KCTD13: variants seen among roughly 807,000 people sequenced by gnomAD.
KCTD13 encodes the protein BTB/POZ domain-containing adapter for CUL3-mediated RhoA degradation protein 1.
KCTD13 carries 15 observed loss-of-function variants against 32.3 expected under a neutral mutation model. The observed-to-expected ratio is 0.46, with a 90% CI of 0.31 to 0.71. The LOEUF is 0.71. Ranked by LOEUF, KCTD13 falls within the 30% of genes least tolerant of loss-of-function variation. The probability of loss-of-function intolerance (pLI) is 0.05; values close to 1 mark genes in which losing one functional copy is unlikely to be tolerated. For missense variants in KCTD13, 337 were observed against 452.6 expected (o/e 0.74, Z 2.32); for synonymous variants, 189 against 200.1 (o/e 0.94, Z 0.47).
rs2068621300 is a variant in KCTD13 at position 29,906,834 on chromosome 16, G to A, written c.*38C>T. The A allele has an allele frequency of 1.9e-6, 3 of 1,570,788 alleles. No homozygotes were observed. The highest frequency in any genetic ancestry group is 1.7e-4 in the Middle Eastern group (1 of 5,976). On this transcript the variant is annotated 3_prime_UTR_variant, in exon 6 of 6. Transcript: ENST00000568000. Reference sequence around the variant, plus strand: ...GGGGAGGGAAAGAGAGAGGGACTGGGTCCCAAGGCAAGAGGAAGGCAGGGG... The same window carrying A: ...GGGGAGGGAAAGAGAGAGGGACTGGATCCCAAGGCAAGAGGAAGGCAGGGG...
chr16:29,913,278 C>T (rs2068748802), intron 2 of KCTD13: 2 of 151,878 alleles, frequency 1.3e-5, no homozygotes, highest in East Asian at 1.9e-4. Context: ...GAGGAAAGGC[C>T]GACCCTGCCA....
At chr16:29,918,009 A>G (rs1279010224) in intron 2 of KCTD13, among the ~76,000 whole-genome samples, 1 of 152,182 alleles carries the variant, frequency 6.6e-6, no homozygotes, top group African/African-American at 2.4e-5. Flanking sequence ...ACATTTTTAA[A>G]CAAGACCATA....
chr16:29,923,109 C>T, intron 2 of KCTD13, 81 bp downstream of exon 2: 1 of 1,476,870 alleles, frequency 6.8e-7, no homozygotes, highest in Non-Finnish European at 9.2e-7. Flanking sequence ...AGCCATACCC[C>T]ATATCTCCTT....
At chr16:29,913,472 A>C (rs2068753369) in intron 2 of KCTD13, 2 of 152,246 alleles carry the variant, frequency 1.3e-5, no homozygotes, top group Non-Finnish European at 2.9e-5. Flanking sequence ...TTCGTTATCT[A>C]TCACTGTGTA....
At chr16:29,911,273 C>G (rs2068703561) in intron 4 of KCTD13, 100 bp from the exon 5 acceptor site, 2 of 936,580 alleles carry the variant, frequency 2.1e-6, no homozygotes, top group Non-Finnish European at 3.3e-6. Context: ...TCTGCTCCTG[C>G]CCAGGGCTTT....
rs979691253 is a variant in KCTD13, at chr16:29,919,289, CTTATGGTA to C, written c.414+3893_414+3900del. Among the ~76,000 whole-genome samples, 322 of 152,072 alleles carry C rather than the reference CTTATGGTA, an allele frequency of 2.1e-3. 3 individuals are homozygous for C. Among genetic ancestry groups the C allele is most frequent in the Non-Finnish European group, 8.1e-4 (55 of 67,984 alleles). On this transcript the variant is annotated intron_variant, in intron 2 of 5. Transcript: ENST00000568000. ...CCCCTTGGATTGTAATAAAGTAATG[CTTATGGTA>C]TTATTTGGCTTATGTAATAAAGTAA...
intron 1 of KCTD13, among the ~76,000 whole-genome samples, chr16:29,924,938 G>C (rs1373847118): frequency 1.3e-5 from 2 of 152,160 alleles, no homozygotes; most frequent in Non-Finnish European, 1.5e-5. Flanking sequence ...GGCTGGTCTC[G>C]AACTCCTGAC....
intron 4 of KCTD13, chr16:29,911,546 C>T (rs2068709462): frequency 1.7e-6 from 1 of 589,286 alleles, no homozygotes. Context: ...AGGGGGAGGA[C>T]TCTGCCAGTT....
At chr16:29,910,663 C>T (rs192486570) in intron 5 of KCTD13, among the ~76,000 whole-genome samples, 1 of 152,276 alleles carries the variant, frequency 6.6e-6, no homozygotes, top group Admixed American at 6.5e-5. Context: ...CTCACCCCTT[C>T]TGAGTTTCTA....
At chr16:29,924,502 T>C (rs1350302450) in intron 1 of KCTD13, among the ~76,000 whole-genome samples, 1 of 152,198 alleles carries the variant, frequency 6.6e-6, no homozygotes, top group Non-Finnish European at 1.5e-5. Context: ...TTAACTTTTA[T>C]ATTCTTCATA....
chr16:29,914,763 G>A (rs192212101), intron 2 of KCTD13: 34 of 152,368 alleles, frequency 2.2e-4, no homozygotes, highest in African/African-American at 7.9e-4. Context: ...GCAGACCTGT[G>A]AGCTAAAGAG....
chr16:29,922,631 G>A (rs546949979), intron 2 of KCTD13: 26 of 168,324 alleles, frequency 1.5e-4, no homozygotes, highest in African/African-American at 6.2e-4. Flanking sequence ...AGCCTAGCAG[G>A]TGGGGTCTCT....
rs2068614945 is a variant in KCTD13, at chr16:29,906,483, G to C, written c.*389C>G. The C allele has an allele frequency of 2.1e-6, 1 of 467,778 alleles. No homozygotes were observed. Among genetic ancestry groups the C allele is most frequent in the African/African-American group, 2.0e-5 (1 of 50,588 alleles). The allele number at this position is 467,778 out of a possible 1,614,324, so 29.0% of individuals were successfully genotyped here. A position where few individuals can be genotyped will look rare whatever the true frequency, so the allele number is the denominator to read the frequency against. ...GTAGGGAGGATGGTGGGGAGGAGGG[G>C]GCGGACTACCCTGCAGGACGCGGGA... On this transcript the variant is annotated 3_prime_UTR_variant, in exon 6 of 6. Coordinates refer to ENST00000568000, the MANE Select transcript of KCTD13 (RefSeq NM_178863.5).
chr16:29,916,599 C>A (rs1238808202), intron 2 of KCTD13, among the ~76,000 whole-genome samples: 1 of 152,176 alleles, frequency 6.6e-6, no homozygotes, highest in Non-Finnish European at 1.5e-5. Context: ...TGTGGAGGCT[C>A]ATGCCTGTAA....
At chr16:29,909,049 T>C (rs998511955) in intron 5 of KCTD13, among the ~76,000 whole-genome samples, 4 of 137,414 alleles carry the variant, frequency 2.9e-5, no homozygotes, top group Non-Finnish European at 5.2e-5. Context: ...GCTGGGTCAC[T>C]GATTCATTCA....
chr16:29,906,930 C>T lies in KCTD13; in HGVS notation c.932G>A (p.Arg311Gln), dbSNP rs907551420. 3.7e-6 allele frequency: 6 copies of T among 1,614,122 alleles called. No homozygotes were observed. The highest frequency in any genetic ancestry group is 5.1e-6 in the Non-Finnish European group (6 of 1,180,016). Residue 311 changes from arginine to glutamine, a missense_variant, in exon 6 of 6, where the codon CGG (arginine) becomes CAG (glutamine). By Grantham distance (43) the Arg-to-Gln change is conservative. Around this residue, in one of 3 missense-constraint regions of KCTD13, gnomAD observed 252 missense variants for 340.2 expected, o/e 0.74. Coordinates refer to ENST00000568000, the MANE Select transcript of KCTD13 (RefSeq NM_178863.5). ...ACGCTCGTCGTGGGTGATATGGCGC[C>T]GGACATGGATCCTGCGGACACGGTG... ...REHRVRRIHV[R>Q]RHITHDERPH... is the part of the protein sequence containing the mutation.
intron 5 of KCTD13, among the ~76,000 whole-genome samples, chr16:29,909,204 T>C (rs1195075874): frequency 1.3e-5 from 2 of 151,988 alleles, no homozygotes; most frequent in Non-Finnish European, 2.9e-5. Flanking sequence ...CCACCACACA[T>C]GATAAAACAC....
Position 29,923,261 on chromosome 16 carries a change from C to G in KCTD13, c.343G>C (p.Gly115Arg), listed in dbSNP as rs767882731. 1 of 1,614,202 alleles carries G rather than the reference C, an allele frequency of 6.2e-7. No individual in the cohort carries two copies. Among genetic ancestry groups the G allele is most frequent in the Non-Finnish European group, 8.5e-7 (1 of 1,180,044 alleles). ...VPLPESTREL[G>R]ELLGEARYYL... is the part of the protein sequence containing the mutation. ...TAGCGTGCTTCGCCCAGCAGCTCCC[C>G]CAGTTCTCTCGTACTCTCCGGCAGT... The change falls in exon 2 of 6, where the codon GGG becomes CGG. Residue 115 changes from glycine (G) to arginine (R), a missense_variant. By Grantham distance (125) the Gly-to-Arg change is moderately radical (BLOSUM62 -2). Transcript: ENST00000568000.
chr16:29,911,240 G>A (rs1010220366), intron 4 of KCTD13, 67 bp from the exon 5 acceptor site: 56 of 1,225,692 alleles, frequency 4.6e-5, no homozygotes, highest in South Asian at 3.9e-4. Flanking sequence ...CCCAGAAGAC[G>A]GGCCTGGATG....
Sources: gnomAD v4.1 joint callset for allele counts (sites outside exome capture counted in the v4.1 genomes callset) on GRCh38, gnomAD v4.1.1 for gene constraint, gnomAD v4.1.1 regional missense constraint, MANE v1.5 for transcripts, NCBI Gene and HGNC (gene_info 2026-07-23, HGNC 2026-07-21) for gene names.